The following FBXL17 variants were observed in gnomAD, a reference collection of about 807,000 sequenced individuals.
The protein encoded by FBXL17 is F-box/LRR-repeat protein 17.
FBXL17 carries 22 observed loss-of-function variants against 66.2 expected under a neutral mutation model. That is an observed-to-expected ratio of 0.33 (90% CI 0.24 to 0.47). FBXL17 has a LOEUF of 0.47. Ranked by LOEUF, FBXL17 falls within the 20% of genes least tolerant of loss-of-function variation. The pLI is 1.00. For missense variants in FBXL17, 878 were observed against 948.2 expected (o/e 0.93, Z 0.97); for synonymous variants, 474 against 400.5 (o/e 1.18, Z -2.19).
chr5:108,110,097 G>A (rs1192169005), intron 6 of FBXL17, among the ~76,000 whole-genome samples: 1 of 152,066 alleles, frequency 6.6e-6, no homozygotes, highest in Non-Finnish European at 1.5e-5. Context: ...TGGGAAGGGT[G>A]TGCCCGTAGC....
At position 107,931,328 on chromosome 5, in the gene FBXL17, C is replaced by T. The variant is rs143769246; in HGVS notation, c.1823-50149G>A. 3.0e-3 allele frequency among the ~76,000 whole-genome samples: 447 copies of T among 148,752 alleles called. 3 individuals are homozygous for T. The highest frequency in any genetic ancestry group is 9.6e-3 in the African/African-American group (386 of 40,104). ...AGGCTGGAGTGCAGTGGTGCAATCT[C>T]GGCTCACTGCAGCCTTGACTTCCCA... On this transcript the variant is annotated intron_variant, in intron 7 of 8. Coordinates refer to ENST00000542267, the MANE Select transcript of FBXL17 (RefSeq NM_001163315.3).
chr5:107,984,171 C>A (rs946445995), intron 7 of FBXL17, among the ~76,000 whole-genome samples: 1 of 151,952 alleles, frequency 6.6e-6, no homozygotes, highest in Admixed American at 6.6e-5. Context: ...CTGGTGGCAT[C>A]AAATTGGACA....
At chr5:108,042,763 G>A (rs1270886703) in intron 6 of FBXL17, among the ~76,000 whole-genome samples, 2 of 152,178 alleles carry the variant, frequency 1.3e-5, no homozygotes, top group Admixed American at 6.5e-5. Context: ...CAAATGACCA[G>A]GAGTGCAATT....
intron 6 of FBXL17, among the ~76,000 whole-genome samples, chr5:108,180,655 T>C (rs1157835722): frequency 2.0e-5 from 3 of 152,150 alleles, no homozygotes; most frequent in African/African-American, 7.2e-5. Context: ...AATTTTAGAG[T>C]GTGCACTGAT....
At chr5:108,197,276 CT>C (rs1157546825) in intron 5 of FBXL17, among the ~76,000 whole-genome samples, 1 of 152,112 alleles carries the variant, frequency 6.6e-6, no homozygotes, top group African/African-American at 2.4e-5. Flanking sequence ...CACTGTTTCA[CT>C]TAAAGAAGAA....
chr5:108,052,306 C>A (rs568024174), intron 6 of FBXL17, among the ~76,000 whole-genome samples: 1 of 151,994 alleles, frequency 6.6e-6, no homozygotes, highest in Non-Finnish European at 1.5e-5. Flanking sequence ...ACTGAGAAAA[C>A]CCCATCATCT....
intron 7 of FBXL17, among the ~76,000 whole-genome samples, chr5:107,986,737 T>C (rs1490419597): frequency 6.6e-6 from 1 of 151,998 alleles, no homozygotes; most frequent in Admixed American, 6.6e-5. Flanking sequence ...TAGTGCACTA[T>C]AACTTTCTAG....
At chr5:108,123,505 T>C (rs1255063509) in intron 6 of FBXL17, among the ~76,000 whole-genome samples, 1 of 152,210 alleles carries the variant, frequency 6.6e-6, no homozygotes, top group African/African-American at 2.4e-5. Context: ...AAAGCTTTAA[T>C]ATAAACAAAT....
intron 7 of FBXL17, among the ~76,000 whole-genome samples, chr5:108,016,924 C>A (rs553534993): frequency 5.3e-5 from 8 of 151,938 alleles, no homozygotes; most frequent in Non-Finnish European, 8.8e-5. Context: ...GGATTACAGG[C>A]ATGCGTCACC....
intron 6 of FBXL17, among the ~76,000 whole-genome samples, chr5:108,040,710 T>C (rs1160581491): frequency 2.0e-5 from 3 of 152,210 alleles, no homozygotes; most frequent in African/African-American, 7.2e-5. Context: ...AATATCTTTA[T>C]CCTTTTCAAA....
chr5:108,153,148 G>C (rs1383097484), intron 6 of FBXL17, among the ~76,000 whole-genome samples: 2 of 152,162 alleles, frequency 1.3e-5, no homozygotes, highest in Admixed American at 6.5e-5. Context: ...GTGGAACTGT[G>C]AGTCAGTTAA....
chr5:108,277,501 C>G (rs1757530024), intron 4 of FBXL17, among the ~76,000 whole-genome samples: 1 of 151,782 alleles, frequency 6.6e-6, no homozygotes, highest in African/African-American at 2.4e-5. Context: ...ATCTAATACA[C>G]AAAAGAGACA....
At chr5:107,910,688 A>AT (rs1749922291) in intron 7 of FBXL17, among the ~76,000 whole-genome samples, 1 of 152,136 alleles carries the variant, frequency 6.6e-6, no homozygotes, top group Non-Finnish European at 1.5e-5. Context: ...CATTAAAAAT[A>AT]TTTTTTAAAA....
chr5:108,380,459 T>C (rs972340958), intron 1 of FBXL17, among the ~76,000 whole-genome samples: 1 of 152,184 alleles, frequency 6.6e-6, no homozygotes, highest in African/African-American at 2.4e-5. Flanking sequence ...AGCTGAACCC[T>C]GAATGGTGGG....
chr5:108,370,463 G>A (rs1158249465), intron 1 of FBXL17, among the ~76,000 whole-genome samples: 1 of 152,152 alleles, frequency 6.6e-6, no homozygotes, highest in Non-Finnish European at 1.5e-5. Context: ...TCATAAAAGT[G>A]GCAGGGCATG....
chr5:107,900,580 C>G (rs1039019264), intron 7 of FBXL17, among the ~76,000 whole-genome samples: 1 of 147,826 alleles, frequency 6.8e-6, no homozygotes, highest in South Asian at 2.2e-4. Flanking sequence ...CAATGTAGTT[C>G]TCTCTCTACT....
chr5:108,355,449 A>G (rs1362918244), intron 3 of FBXL17, among the ~76,000 whole-genome samples: 1 of 151,856 alleles, frequency 6.6e-6, no homozygotes, highest in African/African-American at 2.4e-5. Flanking sequence ...CACCTGGCTA[A>G]TTTTTGTATT....
At chr5:108,108,325 G>GT (rs1372540189) in intron 6 of FBXL17, among the ~76,000 whole-genome samples, 2 of 152,142 alleles carry the variant, frequency 1.3e-5, no homozygotes, top group Non-Finnish European at 1.5e-5. Context: ...ATTCACTGCT[G>GT]TAACTCCAGT....
intron 4 of FBXL17, among the ~76,000 whole-genome samples, chr5:108,242,071 T>C (rs570142479): frequency 2.0e-5 from 3 of 152,272 alleles, no homozygotes; most frequent in East Asian, 1.9e-4. Context: ...GAATACATCA[T>C]CTGAAGGTAC....
Sources: gnomAD v4.1 joint callset for allele counts (sites outside exome capture counted in the v4.1 genomes callset) on GRCh38, gnomAD v4.1.1 for gene constraint, MANE v1.5 for transcripts, NCBI Gene and HGNC (gene_info 2026-07-23, HGNC 2026-07-21) for gene names.